LRP1B: variants seen among roughly 807,000 people sequenced by gnomAD.
The protein encoded by LRP1B is low-density lipoprotein receptor-related protein 1B.
A neutral mutation model predicts 556.6 loss-of-function variants in LRP1B; 217 were observed. The ratio of observed to expected loss-of-function variants is 0.39; its 90% CI spans 0.35 to 0.44. The LOEUF is 0.44. Ranked by LOEUF, LRP1B falls within the 20% of genes least tolerant of loss-of-function variation. The probability of loss-of-function intolerance (pLI) is 1.00; values close to 1 mark genes in which losing one functional copy is unlikely to be tolerated. For missense variants in LRP1B, 5,053 were observed against 5,620.8 expected, an observed-to-expected ratio of 0.90 and a Z score of 3.23; for synonymous variants, 2,047 against 1,865.8, an observed-to-expected ratio of 1.10 and a Z score of -2.50.
At chr2:140,279,090 T>C (rs1204017940) in intron 84 of LRP1B, among the ~76,000 whole-genome samples, 1 of 151,866 alleles carries the variant, frequency 6.6e-6, no homozygotes, top group Non-Finnish European at 1.5e-5. Context: ...CCCTCTCCAC[T>C]CTCTCTCTTT....
chr2:140,977,508 A>G (rs1696639539), intron 18 of LRP1B, among the ~76,000 whole-genome samples: 1 of 152,210 alleles, frequency 6.6e-6, no homozygotes, highest in South Asian at 2.1e-4. Flanking sequence ...CTTACGTTAC[A>G]TAGTGCACAG....
chr2:141,121,581 T>G (rs1364204409), intron 7 of LRP1B, among the ~76,000 whole-genome samples: 2 of 151,916 alleles, frequency 1.3e-5, no homozygotes, highest in African/African-American at 4.8e-5. Context: ...TACAAACCAC[T>G]GCTCAAGGAA....
chr2:141,948,396 C>A (rs1701015378), intron 1 of LRP1B, among the ~76,000 whole-genome samples: 1 of 151,816 alleles, frequency 6.6e-6, no homozygotes, highest in African/African-American at 2.4e-5. Flanking sequence ...TGGCAAATAT[C>A]TGATAGCTAT....
intron 3 of LRP1B, among the ~76,000 whole-genome samples, chr2:141,323,135 T>A (rs1408703203): frequency 6.6e-6 from 1 of 152,096 alleles, no homozygotes; most frequent in Admixed American, 6.6e-5. Flanking sequence ...TATTTTTGCA[T>A]GAGATGTGCC....
chr2:140,461,069 G>GAAAAAAAA (rs1217803995), intron 60 of LRP1B, among the ~76,000 whole-genome samples: 3 of 72,148 alleles, frequency 4.2e-5, no homozygotes, highest in Non-Finnish European at 2.9e-5. Flanking sequence ...ACTCAAAAAA[G>GAAAAAAAA]AAAAAAAAAA....
At chr2:140,458,128 A>C (rs1195009622) in intron 60 of LRP1B, among the ~76,000 whole-genome samples, 2 of 152,102 alleles carry the variant, frequency 1.3e-5, no homozygotes, top group South Asian at 2.1e-4. Context: ...TCCTGGAAGA[A>C]ATGTGTCTAC....
At chr2:140,605,366 G>A (rs1027471479) in intron 41 of LRP1B, among the ~76,000 whole-genome samples, 19 of 151,992 alleles carry the variant, frequency 1.3e-4, no homozygotes, top group African/African-American at 4.6e-4. Context: ...AAGGATACAG[G>A]TCCAATTCAC....
At chr2:141,156,040 A>G (rs2105097424) in intron 7 of LRP1B, among the ~76,000 whole-genome samples, 1 of 152,308 alleles carries the variant, frequency 6.6e-6, no homozygotes, top group Admixed American at 6.5e-5. Flanking sequence ...ACTACTTTCT[A>G]GAATCCAGGA....
chr2:140,309,549 A>T lies in LRP1B; in HGVS notation c.12805+5386T>A, dbSNP rs188043243. ...CAGCAGCAAAATTCGACAGACTCTTACCTTTATTCTCTCACAGGTATCTTA... is the reference window on the plus strand; with the variant it reads ...CAGCAGCAAAATTCGACAGACTCTTTCCTTTATTCTCTCACAGGTATCTTA... On this transcript the variant is annotated intron_variant, in intron 83 of 90. Coordinates refer to ENST00000389484, the MANE Select transcript of LRP1B (RefSeq NM_018557.3). Among the ~76,000 whole-genome samples the T allele has an allele frequency of 5.9e-5, 9 of 151,910 alleles. No homozygotes were observed. In the East Asian group the frequency reaches 1.7e-3, roughly 29 times the overall value.
At chr2:141,055,866 T>C (rs1699167337) in intron 9 of LRP1B, among the ~76,000 whole-genome samples, 1 of 150,878 alleles carries the variant, frequency 6.6e-6, no homozygotes, top group Non-Finnish European at 1.5e-5. Context: ...GCTGAGTATA[T>C]GTATAGAAAT....
chr2:142,009,792 C>CTA (rs1702899939), intron 1 of LRP1B, among the ~76,000 whole-genome samples: 1 of 151,698 alleles, frequency 6.6e-6, no homozygotes, highest in South Asian at 2.1e-4. Context: ...GTATACTTCT[C>CTA]TATATATTGT....
Position 140,402,034 on chromosome 2 carries a change from C to T in LRP1B, c.10415-16025G>A, listed in dbSNP as rs138715609. On this transcript the variant is annotated intron_variant, in intron 66 of 90. Coordinates refer to ENST00000389484, the MANE Select transcript of LRP1B (RefSeq NM_018557.3). ...TGCTGAGCGACCTGAGGACAGGTCA[C>T]ATCACTGGATCCCCTGCAGACATTC... 2.4e-4 allele frequency among the ~76,000 whole-genome samples: 36 copies of T among 152,310 alleles called. 3 individuals carry two copies. The highest frequency in any genetic ancestry group is 6.7e-4 in the African/African-American group (28 of 41,572).
intron 1 of LRP1B, among the ~76,000 whole-genome samples, chr2:141,885,868 C>T (rs1699095966): frequency 6.6e-6 from 1 of 152,124 alleles, no homozygotes; most frequent in African/African-American, 2.4e-5. Flanking sequence ...CTACATGTTC[C>T]ATGGTGTCAT....
intron 2 of LRP1B, among the ~76,000 whole-genome samples, chr2:141,696,325 A>G (rs1366907272): frequency 1.3e-5 from 2 of 152,026 alleles, no homozygotes; most frequent in Non-Finnish European, 2.9e-5. Flanking sequence ...ATGTAACAGA[A>G]TCACATGAAA....
intron 7 of LRP1B, among the ~76,000 whole-genome samples, chr2:141,155,474 CTTTTTATTA>C (rs1359959876): frequency 6.7e-6 from 1 of 150,108 alleles, no homozygotes; most frequent in Non-Finnish European, 1.5e-5. Context: ...TTATTTTTTT[CTTTTTATTA>C]TTATTTTTTT....
intron 3 of LRP1B, among the ~76,000 whole-genome samples, chr2:141,343,242 T>C (rs1452996748): frequency 6.6e-6 from 1 of 152,234 alleles, no homozygotes; most frequent in African/African-American, 2.4e-5. Context: ...CTAGAAGTTC[T>C]ATTTAGGTCT....
intron 41 of LRP1B, among the ~76,000 whole-genome samples, chr2:140,609,134 T>G (rs1045582157): frequency 2.6e-5 from 4 of 152,152 alleles, no homozygotes; most frequent in Admixed American, 2.0e-4. Context: ...GAGCAGAGCA[T>G]GAACTCCGCG....
At position 140,748,790 on chromosome 2, in the gene LRP1B, T is replaced by TG. The variant is rs1253568284; in HGVS notation, c.5758+20422_5758+20423insC. On this transcript the variant is annotated intron_variant, in intron 35 of 90. Transcript: ENST00000389484. ...ATGTATATAATATGTATATAATATA[T>TG]ATTATATACATATTATATACATGTA... 3.0e-4 allele frequency among the ~76,000 whole-genome samples: 14 copies of TG among 46,134 alleles called. 1 individual carries two copies. The highest frequency in any genetic ancestry group is 7.8e-4 in the African/African-American group (12 of 15,468). 30.3% of individuals were successfully genotyped at this position (46,134 alleles called of 152,430 possible).
At chr2:141,974,106 A>G (rs964579459) in intron 1 of LRP1B, among the ~76,000 whole-genome samples, 4 of 151,990 alleles carry the variant, frequency 2.6e-5, no homozygotes, top group Non-Finnish European at 4.4e-5. Context: ...ACTGAAAAAG[A>G]GTCTCTCAGG....
Sources: gnomAD v4.1 joint callset for allele counts (sites outside exome capture counted in the v4.1 genomes callset) on GRCh38, gnomAD v4.1.1 for gene constraint, MANE v1.5 for transcripts, NCBI Gene and HGNC (gene_info 2026-07-23, HGNC 2026-07-21) for gene names.